AMPH: variants seen among roughly 807,000 people sequenced by gnomAD.
AMPH encodes amphiphysin, also known as amphiphysin (Stiff-Mann syndrome with breast cancer 128kD autoantigen).
Under a neutral mutation model 99.1 loss-of-function variants are expected in AMPH, and 49 were observed. The observed-to-expected ratio is 0.49, with a 90% CI of 0.39 to 0.63. The LOEUF (loss-of-function observed/expected upper bound fraction) is 0.63. AMPH is among the 20% of genes least tolerant of loss of function. The pLI is 0.00. For synonymous variants in AMPH, 314 were observed against 317.3 expected (o/e 0.99, Z 0.11); for missense variants, 759 against 863.4 (o/e 0.88, Z 1.52).
intron 2 of AMPH, among the ~76,000 whole-genome samples, chr7:38,520,734 A>G (rs1279849502): frequency 6.6e-6 from 1 of 152,216 alleles, no homozygotes; most frequent in African/African-American, 2.4e-5. Flanking sequence ...ATGGGACTTG[A>G]ACATAAGGAG....
At chr7:38,531,792 G>A (rs1220557928) in intron 2 of AMPH, among the ~76,000 whole-genome samples, 1 of 152,026 alleles carries the variant, frequency 6.6e-6, no homozygotes, top group East Asian at 1.9e-4. Context: ...ACTATCAATA[G>A]TATCTTTTGG....
chr7:38,576,662 T>A (rs1323881702), intron 1 of AMPH, among the ~76,000 whole-genome samples: 1 of 152,182 alleles, frequency 6.6e-6, no homozygotes, highest in Non-Finnish European at 1.5e-5. Flanking sequence ...TTGCTCATTG[T>A]TCTTTTCTAT....
chr7:38,451,316 CACATATATACACATGTATATAT>C (rs1218037917), intron 11 of AMPH, among the ~76,000 whole-genome samples: 13 of 133,946 alleles, frequency 9.7e-5, no homozygotes, highest in Non-Finnish European at 1.8e-4. Context: ...TGTGTATATA[CACATATATACACATGTATATAT>C]ACATATATAC....
rs146770046 is a variant in AMPH, at chr7:38,419,606, C to T, written c.1273-1656G>A. 3.2e-4 allele frequency among the ~76,000 whole-genome samples: 48 copies of T among 152,264 alleles called. 1 individual carries two copies. The East Asian group carries it at 6.8e-3, about 21-fold the overall frequency. ...TTCATAGTGGAACAAGTTTTCATAA[C>T]AGCAAATAGATACTGTAAGTGCTCA... On this transcript the variant is annotated intron_variant, in intron 16 of 20. Transcript: ENST00000356264.
intron 18 of AMPH, among the ~76,000 whole-genome samples, chr7:38,393,762 G>A (rs1052917233): frequency 1.8e-4 from 27 of 151,960 alleles, no homozygotes; most frequent in Non-Finnish European, 3.1e-4. Flanking sequence ...TCCCATTCCC[G>A]TTTCCATGCT....
At chr7:38,503,124 C>A (rs182175713) in intron 3 of AMPH, among the ~76,000 whole-genome samples, 194 of 152,342 alleles carry the variant, frequency 1.3e-3, no homozygotes, top group African/African-American at 4.3e-3. Flanking sequence ...AGTCCAGAAA[C>A]TCATGCTAGG....
intron 1 of AMPH, among the ~76,000 whole-genome samples, chr7:38,554,368 C>T (rs552734124): frequency 2.2e-4 from 33 of 152,142 alleles, no homozygotes; most frequent in African/African-American, 7.5e-4. Context: ...AGTAAATGAG[C>T]GTTTTTGTGA....
At chr7:38,473,289 G>A (rs138888812) in intron 7 of AMPH, among the ~76,000 whole-genome samples, 144 of 152,282 alleles carry the variant, frequency 9.5e-4, no homozygotes, top group African/African-American at 3.3e-3. Context: ...CCTGTGTTTG[G>A]AACTAAATAG....
intron 1 of AMPH, among the ~76,000 whole-genome samples, chr7:38,605,369 A>G (rs77102330): frequency 0.015 from 2,358 of 152,298 alleles, 25 homozygotes; most frequent in Non-Finnish European, 0.025. Context: ...ATTCTGCTGT[A>G]TATTAGTCAA....
In AMPH at chr7:38,469,977, G is replaced by C. The variant is rs1488902636; in HGVS notation, c.591-3729C>G. On this transcript the variant is annotated intron_variant, in intron 7 of 20. Transcript: ENST00000356264. Reference sequence around the variant, plus strand: ...TCATTCATTCATTTCCATTCCACCTGCTTCTTTCAAAACCTCTGTGAGATC... The same window carrying C: ...TCATTCATTCATTTCCATTCCACCTCCTTCTTTCAAAACCTCTGTGAGATC... Among the ~76,000 whole-genome samples the C allele has an allele frequency of 3.3e-5, 5 of 151,984 alleles. No individual in the cohort carries two copies. The South Asian group carries it at 1.0e-3, about 32-fold the overall frequency.
At chr7:38,409,891 AT>A (rs1267612597) in intron 17 of AMPH, among the ~76,000 whole-genome samples, 2 of 152,212 alleles carry the variant, frequency 1.3e-5, no homozygotes. Flanking sequence ...TAAAGTTTTA[AT>A]TAGTGATTTA....
At chr7:38,465,672 CT>C (rs1787625299) in intron 8 of AMPH, 123 bp from the exon 9 acceptor site, 1 of 785,924 alleles carries the variant, frequency 1.3e-6, no homozygotes, top group Non-Finnish European at 2.0e-6. Flanking sequence ...CTTGGATGGC[CT>C]CAGGATAACT....
chr7:38,409,563 T>G (rs1442335327), intron 17 of AMPH, among the ~76,000 whole-genome samples: 1 of 152,150 alleles, frequency 6.6e-6, no homozygotes, highest in Non-Finnish European at 1.5e-5. Flanking sequence ...TACCGCAAAT[T>G]TCATTTGACA....
At chr7:38,442,682 G>A (rs1786599487) in intron 11 of AMPH, among the ~76,000 whole-genome samples, 1 of 152,110 alleles carries the variant, frequency 6.6e-6, no homozygotes, top group Non-Finnish European at 1.5e-5. Context: ...AAATGTATGG[G>A]ATGCTGCTAA....
In AMPH at chr7:38,405,435, C is replaced by A. The variant is rs113800352; in HGVS notation, c.1399-11221G>T. Among the ~76,000 whole-genome samples the A allele has an allele frequency of 1.6e-4, 25 of 152,064 alleles. 1 individual carries two copies. In the Middle Eastern group the frequency reaches 0.01, roughly 62 times the overall value. ...TTGGATTAAAAAAACAAAACCCAAC[C>A]ATCTGCTGCATACAAGACACCCATC... On this transcript the variant is annotated intron_variant, in intron 17 of 20. Coordinates refer to ENST00000356264, the MANE Select transcript of AMPH (RefSeq NM_001635.4).
chr7:38,482,149 GT>G (rs1346280566), intron 5 of AMPH, among the ~76,000 whole-genome samples: 2 of 152,050 alleles, frequency 1.3e-5, no homozygotes, highest in Non-Finnish European at 2.9e-5. Context: ...ACTGTTACTT[GT>G]GTTATATGGC....
intron 1 of AMPH, among the ~76,000 whole-genome samples, chr7:38,594,043 A>G (rs1274918595): frequency 1.3e-5 from 2 of 152,130 alleles, no homozygotes; most frequent in African/African-American, 4.8e-5. Context: ...TGGCGTTAGC[A>G]TGCTGGTGGT....
At chr7:38,473,939 GAA>G (rs1215630077) in intron 7 of AMPH, among the ~76,000 whole-genome samples, 1 of 151,996 alleles carries the variant, frequency 6.6e-6, no homozygotes, top group East Asian at 1.9e-4. Context: ...CTGGGGGAGA[GAA>G]GAGGTCTTCT....
intron 1 of AMPH, among the ~76,000 whole-genome samples, chr7:38,594,702 T>C (rs1422109638): frequency 6.6e-6 from 1 of 152,180 alleles, no homozygotes; most frequent in East Asian, 1.9e-4. Context: ...GACTACTATG[T>C]GGATTCTCCT....
Sources: gnomAD v4.1 joint callset for allele counts (sites outside exome capture counted in the v4.1 genomes callset) on GRCh38, gnomAD v4.1.1 for gene constraint, MANE v1.5 for transcripts, NCBI Gene and HGNC (gene_info 2026-07-23, HGNC 2026-07-21) for gene names.